Variants in DLG2 observed in about 807,000 individuals in gnomAD.
DLG2 encodes disks large homolog 2.
Under a neutral mutation model 132.5 loss-of-function variants are expected in DLG2, and 45 were observed. The ratio of observed to expected loss-of-function variants is 0.34; its 90% CI spans 0.27 to 0.44. The LOEUF is 0.44. Among genes scored for constraint, DLG2 ranks in the 20% least tolerant of loss-of-function variants. DLG2 has a pLI of 1.00. For missense variants in DLG2, 1,045 were observed against 1,196.9 expected, an observed-to-expected ratio of 0.87 and a Z score of 1.87; for synonymous variants, 424 against 419.6, an observed-to-expected ratio of 1.01 and a Z score of -0.13.
intron 6 of DLG2, among the ~76,000 whole-genome samples, chr11:85,003,846 T>C (rs1469930106): frequency 6.6e-6 from 1 of 152,138 alleles, no homozygotes; most frequent in African/African-American, 2.4e-5. Flanking sequence ...ACATTTGGTT[T>C]TTCTCTTAAT....
At chr11:83,831,752 C>T (rs760219208) in intron 17 of DLG2, among the ~76,000 whole-genome samples, 1 of 152,096 alleles carries the variant, frequency 6.6e-6, no homozygotes, top group Non-Finnish European at 1.5e-5. Flanking sequence ...AGTACTGGCT[C>T]CTTATGTAAC....
intron 4 of DLG2, among the ~76,000 whole-genome samples, chr11:85,175,670 A>C (rs2079183461): frequency 6.6e-6 from 1 of 152,188 alleles, no homozygotes; most frequent in Non-Finnish European, 1.5e-5. Flanking sequence ...AGAAAGTCAA[A>C]TTATCTTTCT....
chr11:84,931,571 T>C (rs552289877), intron 6 of DLG2, among the ~76,000 whole-genome samples: 2 of 152,346 alleles, frequency 1.3e-5, no homozygotes, highest in African/African-American at 2.4e-5. Flanking sequence ...GCAATGAACA[T>C]ATGCAGCCAT....
chr11:85,323,376 T>A (rs1256047154), intron 3 of DLG2, among the ~76,000 whole-genome samples: 3 of 152,246 alleles, frequency 2.0e-5, no homozygotes, highest in Non-Finnish European at 4.4e-5. Context: ...CTTTTTATTT[T>A]TTGACATATA....
chr11:84,042,735 G>C (rs1422545450), intron 11 of DLG2, among the ~76,000 whole-genome samples: 1 of 151,726 alleles, frequency 6.6e-6, no homozygotes, highest in Non-Finnish European at 1.5e-5. Context: ...CCTTTAGAGG[G>C]GCATGGATGG....
At chr11:85,081,920 G>C (rs1417752097) in intron 6 of DLG2, among the ~76,000 whole-genome samples, 1 of 152,092 alleles carries the variant, frequency 6.6e-6, no homozygotes, top group African/African-American at 2.4e-5. Context: ...ATGCATACTT[G>C]GGGAGGTTAA....
intron 3 of DLG2, among the ~76,000 whole-genome samples, chr11:85,584,155 C>A (rs1198567695): frequency 6.6e-6 from 1 of 151,770 alleles, no homozygotes; most frequent in Non-Finnish European, 1.5e-5. Context: ...GTCTTTTTTC[C>A]TTCACCCTCT....
intron 6 of DLG2, among the ~76,000 whole-genome samples, chr11:85,046,608 T>A (rs2062373921): frequency 6.6e-6 from 1 of 151,850 alleles, no homozygotes; most frequent in South Asian, 2.1e-4. Context: ...GGGATAATAT[T>A]TCAGAGTGAA....
rs1002199994 is a variant in DLG2 at position 85,467,458 on chromosome 11, T to G, written c.40+131199A>C. Among the ~76,000 whole-genome samples the G allele has an allele frequency of 5.3e-5, 8 of 152,112 alleles. No homozygotes were observed. In the East Asian group the frequency reaches 5.8e-4, roughly 11 times the overall value. On this transcript the variant is annotated intron_variant, in intron 3 of 27. Transcript: ENST00000376104. ...ACTGGCTGTGGGTTTGTCATAGATA[T>G]CTCTTATTATTTTGAGATATGTCCC...
chr11:83,822,058 A>G (rs757395647), intron 17 of DLG2, among the ~76,000 whole-genome samples: 12 of 152,142 alleles, frequency 7.9e-5, no homozygotes, highest in Non-Finnish European at 1.2e-4. Flanking sequence ...TTGGTGTGAA[A>G]GATGAAAAAA....
chr11:85,316,770 A>G (rs1270786897), intron 3 of DLG2, among the ~76,000 whole-genome samples: 1 of 151,984 alleles, frequency 6.6e-6, no homozygotes, highest in Non-Finnish European at 1.5e-5. Flanking sequence ...GTAAAATACA[A>G]CTGGGTTTTA....
chr11:85,588,001 T>C (rs1011676556), intron 3 of DLG2, among the ~76,000 whole-genome samples: 1 of 152,184 alleles, frequency 6.6e-6, no homozygotes, highest in African/African-American at 2.4e-5. Context: ...ATATACTGTG[T>C]TTGAGGAGGC....
chr11:83,670,025 C>T (rs2076572605), intron 18 of DLG2, among the ~76,000 whole-genome samples: 2 of 152,184 alleles, frequency 1.3e-5, no homozygotes, highest in Non-Finnish European at 2.9e-5. Context: ...TCTCTTAGCT[C>T]TCAGAGCAGT....
At chr11:84,339,512 A>G (rs1465372641) in intron 7 of DLG2, among the ~76,000 whole-genome samples, 4 of 152,218 alleles carry the variant, frequency 2.6e-5, no homozygotes, top group African/African-American at 9.6e-5. Flanking sequence ...ATCCTAGAGC[A>G]GAGAATTTTA....
chr11:85,566,902 T>C (rs568731761), intron 3 of DLG2, among the ~76,000 whole-genome samples: 1 of 152,308 alleles, frequency 6.6e-6, no homozygotes, highest in East Asian at 1.9e-4. Flanking sequence ...TAGCTATATG[T>C]CCTGGTAGCA....
At chr11:84,109,179 T>C (rs2093179840) in intron 9 of DLG2, among the ~76,000 whole-genome samples, 1 of 152,186 alleles carries the variant, frequency 6.6e-6, no homozygotes, top group Non-Finnish European at 1.5e-5. Context: ...GTGTTAGACC[T>C]TACAATTGCC....
intron 11 of DLG2, among the ~76,000 whole-genome samples, chr11:84,015,072 AT>A (rs796884048): frequency 9.1e-4 from 139 of 152,290 alleles, no homozygotes; most frequent in African/African-American, 3.3e-3. Context: ...AATAGCATTC[AT>A]TATTGGATTT....
At chr11:84,985,820 C>T (rs1299668475) in intron 6 of DLG2, among the ~76,000 whole-genome samples, 12 of 151,614 alleles carry the variant, frequency 7.9e-5, no homozygotes, top group East Asian at 5.8e-4. Flanking sequence ...TGATGAAACC[C>T]GATCTCTACA....
At chr11:84,596,056 T>G (rs1416393630) in intron 6 of DLG2, among the ~76,000 whole-genome samples, 2 of 152,192 alleles carry the variant, frequency 1.3e-5, no homozygotes, top group African/African-American at 4.8e-5. Context: ...AAAATATTTT[T>G]TCCACATTAA....
Sources: allele counts gnomAD v4.1 joint callset (sites outside exome capture counted in the v4.1 genomes callset), GRCh38; gene constraint gnomAD v4.1.1; transcripts MANE v1.5; gene names NCBI Gene and HGNC (gene_info 2026-07-23, HGNC 2026-07-21).